Variants in GNLY observed in about 807,000 individuals in gnomAD.
GNLY encodes T-cell activation protein 519.
A neutral mutation model predicts 18.5 loss-of-function variants in GNLY; 15 were observed. The ratio of observed to expected loss-of-function variants is 0.81; its 90% CI spans 0.54 to 1.25. The LOEUF (loss-of-function observed/expected upper bound fraction) is 1.25, where lower values mean the gene tolerates loss of function less well. Ranked by LOEUF, GNLY falls within the 50% of genes most tolerant of loss-of-function variation. The pLI, the probability that GNLY is intolerant of heterozygous loss-of-function variation, is 0.00. For missense variants in GNLY, 178 were observed against 186.9 expected (o/e 0.95, Z 0.28); for synonymous variants, 77 against 74.9 (o/e 1.03, Z -0.14).
In GNLY at chr2:85,697,532, GGT is replaced by G. The variant is rs1301301832; in HGVS notation, c.287_288del (p.Cys96Ter). On this transcript the variant is annotated frameshift_variant, in exon 4 of 5. Coordinates refer to ENST00000263863, the MANE Select transcript of GNLY (RefSeq NM_006433.5). LOFTEE classifies it high-confidence loss of function. The stretch of plus-strand genomic sequence containing the variant: ...GAAGTGTTTCCAATGCTGCGACCCG[GGT>G]GTGTAGGACGGGGAGGTCACGATGG... ...QRSVSNAATR[V>X]CRTGRSRWRD... is the part of the protein sequence containing the mutation. The G allele has an allele frequency of 6.2e-7, 1 of 1,612,828 alleles. No individual in the cohort carries two copies. Among genetic ancestry groups the G allele is most frequent in the African/African-American group, 1.3e-5 (1 of 74,884 alleles).
intron 4 of GNLY, among the ~76,000 whole-genome samples, chr2:85,698,189 A>G (rs1678533760): frequency 6.6e-6 from 1 of 152,168 alleles, no homozygotes; most frequent in African/African-American, 2.4e-5. Context: ...CCCTTCAGGC[A>G]GGGGAGCATG....
chr2:85,694,790 C>A, intron 1 of GNLY: 1 of 1,448,598 alleles, frequency 6.9e-7, no homozygotes, highest in Admixed American at 2.7e-5. Flanking sequence ...GGCCATTGGC[C>A]CTCATCGGTG....
chr2:85,694,934 G>T (rs756997109), intron 1 of GNLY: 1 of 1,579,360 alleles, frequency 6.3e-7, no homozygotes, highest in Non-Finnish European at 8.6e-7. Context: ...GTCAGTGTGA[G>T]CCCCAAGGGC....
chr2:85,695,278 C>T (rs989194733), intron 1 of GNLY, 42 bp from the exon 2 acceptor site: 2 of 1,412,162 alleles, frequency 1.4e-6, no homozygotes. Flanking sequence ...TTTCCCTCTC[C>T]TTCCGCCTGC....
intron 1 of GNLY, chr2:85,694,775 G>A: frequency 6.9e-7 from 1 of 1,442,638 alleles, no homozygotes; most frequent in Non-Finnish European, 9.1e-7. Context: ...CATCTGCGTG[G>A]TGAAGGCCAT....
chr2:85,695,289 G>A (rs752895634), intron 1 of GNLY, 31 bp from the exon 2 acceptor site: 19 of 1,465,260 alleles, frequency 1.3e-5, no homozygotes, highest in Admixed American at 6.7e-5. Context: ...TTCCGCCTGC[G>A]GAGGGGAAGC....
chr2:85,697,479 A>C (rs1678499125), intron 3 of GNLY, 27 bp from the exon 4 acceptor site: 3 of 1,606,196 alleles, frequency 1.9e-6, no homozygotes, highest in Non-Finnish European at 1.7e-6. Flanking sequence ...CCCTATAACC[A>C]TGTCCACTGT....
At chr2:85,695,049 C>T (rs966419311) in intron 1 of GNLY, 33 of 1,519,468 alleles carry the variant, frequency 2.2e-5, no homozygotes, top group African/African-American at 9.6e-5. Context: ...CTAGACAAAC[C>T]GACCCCCAAA....
At chr2:85,698,351 G>GTC in intron 4 of GNLY, 2 of 767,564 alleles carry the variant, frequency 2.6e-6, no homozygotes, top group South Asian at 2.9e-5. Flanking sequence ...CAGATCGGGG[G>GTC]TCCCCACCAT....
At chr2:85,698,020 G>A (rs963702138) in intron 4 of GNLY, among the ~76,000 whole-genome samples, 11 of 152,242 alleles carry the variant, frequency 7.2e-5, no homozygotes, top group African/African-American at 2.4e-4. Context: ...CACCGTGTGT[G>A]TGGACCTGAC....
At chr2:85,696,264 A>T (rs532676766) in intron 3 of GNLY, 76 of 557,364 alleles carry the variant, frequency 1.4e-4, no homozygotes, top group Non-Finnish European at 2.1e-4. Flanking sequence ...TGTGTAAGTC[A>T]GACGGCAGAG....
chr2:85,697,373 T>C lies in GNLY; in HGVS notation c.256-133T>C. ...GGCTGAGCCCCGTCTGTACAGTCTC[T>C]GGCCCCATGGGCACCAGGTGCCAGC... On this transcript the variant is annotated intron_variant, in intron 3 of 4. Coordinates refer to ENST00000263863, the MANE Select transcript of GNLY (RefSeq NM_006433.5). The C allele has an allele frequency of 3.9e-6, 3 of 778,752 alleles. No individual in the cohort carries two copies. The South Asian group carries it at 4.8e-5, about 13-fold the overall frequency. The allele number at this position is 778,752 out of a possible 1,614,324, so 48.2% of individuals were successfully genotyped here.
Sources: gnomAD v4.1 joint callset for allele counts (sites outside exome capture counted in the v4.1 genomes callset) on GRCh38, gnomAD v4.1.1 for gene constraint, MANE v1.5 for transcripts, NCBI Gene and HGNC (gene_info 2026-07-23, HGNC 2026-07-21) for gene names.